STPG2: variants seen among roughly 807,000 people sequenced by gnomAD.
The protein encoded by STPG2 is sperm tail PG-rich repeat containing 2, also known as sperm-tail PG-rich repeat-containing protein 2.
In STPG2, 56 loss-of-function variants were observed where a neutral mutation model predicts 54.2. That is an observed-to-expected ratio of 1.03 (90% CI 0.83 to 1.29). The LOEUF (loss-of-function observed/expected upper bound fraction) is 1.29. Among genes scored for constraint, STPG2 ranks in the 50% most tolerant of loss-of-function variants. The probability of loss-of-function intolerance (pLI) is 0.00; values close to 1 mark genes in which losing one functional copy is unlikely to be tolerated. For synonymous variants in STPG2, 200 were observed against 181.8 expected (o/e 1.10, Z -0.81); for missense variants, 596 against 544.9 (o/e 1.09, Z -0.93).
intron 9 of STPG2, among the ~76,000 whole-genome samples, chr4:97,732,003 GC>G (rs1272570412): frequency 6.6e-6 from 1 of 152,182 alleles, no homozygotes; most frequent in South Asian, 2.1e-4. Flanking sequence ...GGGCAGCCAG[GC>G]AGGGTCCTTG....
intron 8 of STPG2, among the ~76,000 whole-genome samples, chr4:97,894,135 T>G (rs1413223788): frequency 6.6e-6 from 1 of 151,994 alleles, no homozygotes; most frequent in Admixed American, 6.6e-5. Context: ...CTATGAAAGA[T>G]GAACCATATT....
At chr4:97,811,576 A>C (rs1727743720) in intron 9 of STPG2, among the ~76,000 whole-genome samples, 1 of 152,084 alleles carries the variant, frequency 6.6e-6, no homozygotes, top group South Asian at 2.1e-4. Context: ...GTTGGGGCAG[A>C]TTTAACTGAT....
In STPG2 at chr4:97,852,967, C is replaced by CTTT. The variant is rs574886386; in HGVS notation, c.1045-12038_1045-12036dup. Reference sequence around the variant, plus strand: ...ATGTTCCTATAAATTAACATATTTTCTTTTTTTTTTTTTTTTTTTTTTTTT... The same window carrying CTTT: ...ATGTTCCTATAAATTAACATATTTTCTTTTTTTTTTTTTTTTTTTTTTTTTTTT... On this transcript the variant is annotated intron_variant, in intron 8 of 10. Coordinates refer to ENST00000295268, the MANE Select transcript of STPG2 (RefSeq NM_174952.3). Among the ~76,000 whole-genome samples, 187 of 69,648 alleles carry CTTT rather than the reference C, an allele frequency of 2.7e-3. 29 individuals carry two copies. Among genetic ancestry groups the CTTT allele is most frequent in the African/African-American group, 0.01 (163 of 15,912 alleles). The allele number at this position is 69,648 out of a possible 152,430, so 45.7% of individuals were successfully genotyped here. A position where few individuals can be genotyped will look rare whatever the true frequency, so the allele number is the denominator to read the frequency against.
At chr4:97,999,540 T>TA (rs2149274685) in intron 5 of STPG2, among the ~76,000 whole-genome samples, 1 of 152,184 alleles carries the variant, frequency 6.6e-6, no homozygotes, top group Non-Finnish European at 1.5e-5. Context: ...CCATCTCTAC[T>TA]AAAAATACAA....
intron 4 of STPG2, among the ~76,000 whole-genome samples, chr4:97,455,794 C>G (rs763500428): frequency 2.2e-4 from 33 of 152,164 alleles, no homozygotes; most frequent in Non-Finnish European, 5.9e-5. Context: ...AAAGAGCACG[C>G]TGTAACACAT....
intron 4 of STPG2, among the ~76,000 whole-genome samples, chr4:97,463,254 T>C (rs937515484): frequency 1.3e-5 from 2 of 152,194 alleles, no homozygotes; most frequent in African/African-American, 2.4e-5. Flanking sequence ...TGCTCAGTTG[T>C]ACCTAGCCAC....
At chr4:97,586,603 A>C (rs1733007790) in intron 10 of STPG2, among the ~76,000 whole-genome samples, 2 of 151,984 alleles carry the variant, frequency 1.3e-5, no homozygotes, top group African/African-American at 4.8e-5. Flanking sequence ...ATTTATGGGG[A>C]AACACCAATT....
chr4:97,640,809 A>T (rs1578447150), intron 10 of STPG2, among the ~76,000 whole-genome samples: 1 of 151,784 alleles, frequency 6.6e-6, no homozygotes, highest in Admixed American at 6.6e-5. Context: ...TTTAAGTCAA[A>T]AAAACAGAGA....
chr4:98,111,153 T>C (rs1179375270), intron 3 of STPG2, among the ~76,000 whole-genome samples: 2 of 151,622 alleles, frequency 1.3e-5, no homozygotes, highest in African/African-American at 4.8e-5. Context: ...AGGACCTCAT[T>C]ACATTTGAAA....
intron 10 of STPG2, chr4:97,633,357 T>C (rs1386975607): frequency 6.6e-6 from 1 of 152,176 alleles, no homozygotes; most frequent in Non-Finnish European, 1.5e-5. Flanking sequence ...TATGTCCCTA[T>C]ATTAATGTGG....
At chr4:97,970,207 C>A (rs80249797) in intron 7 of STPG2, among the ~76,000 whole-genome samples, 59,306 of 151,928 alleles carry the variant, frequency 0.39, 11,690 homozygotes, top group Middle Eastern at 0.46. Flanking sequence ...TAGGAAGAAT[C>A]AATATTGTGA....
intron 1 of STPG2, among the ~76,000 whole-genome samples, chr4:98,138,143 TG>T (rs543307449): frequency 2.6e-5 from 4 of 152,098 alleles, no homozygotes; most frequent in Admixed American, 2.6e-4. Flanking sequence ...AGTACAATAA[TG>T]AATAAGATAA....
chr4:97,447,878 T>A (rs945504302), intron 4 of STPG2, among the ~76,000 whole-genome samples: 5 of 152,138 alleles, frequency 3.3e-5, no homozygotes, highest in Non-Finnish European at 7.4e-5. Flanking sequence ...AAAGCCACCC[T>A]TATCCAGACC....
At chr4:97,975,061 A>G (rs1734456572) in intron 6 of STPG2, among the ~76,000 whole-genome samples, 1 of 152,216 alleles carries the variant, frequency 6.6e-6, no homozygotes, top group Non-Finnish European at 1.5e-5. Flanking sequence ...AATAATGTAT[A>G]ATTCCATTTA....
At chr4:98,048,105 G>A (rs1350002117) in intron 5 of STPG2, among the ~76,000 whole-genome samples, 1 of 152,002 alleles carries the variant, frequency 6.6e-6, no homozygotes, top group African/African-American at 2.4e-5. Flanking sequence ...TTTTTTAAGT[G>A]TAATTCTAGT....
At chr4:97,595,349 G>A (rs1733258601) in intron 10 of STPG2, among the ~76,000 whole-genome samples, 2 of 144,588 alleles carry the variant, frequency 1.4e-5, no homozygotes, top group South Asian at 4.2e-4. Flanking sequence ...CTATCGCAAG[G>A]ACAAAAAACA....
Position 97,782,926 on chromosome 4 carries a change from A to C in STPG2, c.1204+57847T>G, listed in dbSNP as rs148025338. Among the ~76,000 whole-genome samples, 1,308 of 152,338 alleles carry C rather than the reference A, an allele frequency of 8.6e-3. 16 individuals are homozygous for C. Among genetic ancestry groups the C allele is most frequent in the African/African-American group, 0.03 (1,246 of 41,560 alleles). On this transcript the variant is annotated intron_variant, in intron 9 of 10. Coordinates refer to ENST00000295268, the MANE Select transcript of STPG2 (RefSeq NM_174952.3). ...CTTCCTTACACCTTATACAAAAATT[A>C]ATTCAAGATGGATTAAAGACTTCAA... is the stretch of plus-strand genomic sequence containing the variant.
At chr4:97,811,213 C>T (rs1381092735) in intron 9 of STPG2, among the ~76,000 whole-genome samples, 3 of 151,852 alleles carry the variant, frequency 2.0e-5, no homozygotes, top group Admixed American at 6.6e-5. Context: ...AAAAAAAATC[C>T]GTTGGAGACA....
intron 8 of STPG2, among the ~76,000 whole-genome samples, chr4:97,898,307 C>A (rs558763630): frequency 1.1e-4 from 16 of 151,956 alleles, no homozygotes; most frequent in African/African-American, 3.6e-4. Context: ...TCAAAAATTT[C>A]TTCAATGATC....
Sources: gnomAD v4.1 joint callset for allele counts (sites outside exome capture counted in the v4.1 genomes callset) on GRCh38, gnomAD v4.1.1 for gene constraint, MANE v1.5 for transcripts, NCBI Gene and HGNC (gene_info 2026-07-23, HGNC 2026-07-21) for gene names.